Variants in TFDP2 observed in about 807,000 individuals in gnomAD.
TFDP2 encodes transcription factor Dp-2.
In TFDP2, 17 loss-of-function variants were observed where a neutral mutation model predicts 59.3. The ratio of observed to expected loss-of-function variants is 0.29; its 90% CI spans 0.20 to 0.43. The LOEUF is 0.43. TFDP2 is among the 20% of genes least tolerant of loss of function. The pLI, the probability that TFDP2 is intolerant of heterozygous loss-of-function variation, is 1.00. For missense variants in TFDP2, 391 were observed against 528.8 expected, an observed-to-expected ratio of 0.74 and a Z score of 2.56; for synonymous variants, 180 against 194.7, an observed-to-expected ratio of 0.92 and a Z score of 0.63.
chr3:142,123,931 C>T (rs1230895582), intron 1 of TFDP2, among the ~76,000 whole-genome samples: 1 of 151,800 alleles, frequency 6.6e-6, no homozygotes, highest in Non-Finnish European at 1.5e-5. Flanking sequence ...TGGAGATGAC[C>T]GATAACAAAA....
At chr3:141,995,665 C>A (rs1943198696) in intron 4 of TFDP2, among the ~76,000 whole-genome samples, 1 of 151,960 alleles carries the variant, frequency 6.6e-6, no homozygotes, top group African/African-American at 2.4e-5. Flanking sequence ...GGGAGGATCA[C>A]CTGAGGTCAC....
intron 9 of TFDP2, among the ~76,000 whole-genome samples, chr3:141,967,972 A>G (rs1403932507): frequency 6.6e-6 from 1 of 151,882 alleles, no homozygotes; most frequent in Non-Finnish European, 1.5e-5. Context: ...TGCCAAAAAA[A>G]TTAAGCTCCA....
intron 9 of TFDP2, among the ~76,000 whole-genome samples, chr3:141,967,274 C>T (rs867014787): frequency 3.1e-4 from 46 of 150,068 alleles, no homozygotes; most frequent in African/African-American, 4.1e-4. Context: ...AACTGAAATG[C>T]TAGGAGGAAA....
chr3:142,143,478 G>C (rs1194844280), intron 1 of TFDP2, among the ~76,000 whole-genome samples: 1 of 152,068 alleles, frequency 6.6e-6, no homozygotes, highest in African/African-American at 2.4e-5. Flanking sequence ...CAAAGAATGG[G>C]AGAAAACATT....
chr3:142,010,298 T>C (rs369640399), intron 3 of TFDP2, among the ~76,000 whole-genome samples: 35 of 152,292 alleles, frequency 2.3e-4, no homozygotes, highest in African/African-American at 8.4e-4. Context: ...GAAAAGACGC[T>C]TGATTTTAAT....
intron 3 of TFDP2, among the ~76,000 whole-genome samples, chr3:142,052,730 A>G (rs1947699084): frequency 6.6e-6 from 1 of 151,952 alleles, no homozygotes; most frequent in Non-Finnish European, 1.5e-5. Flanking sequence ...CTCCCTCCCA[A>G]GGGTAGTCCA....
Position 141,977,130 on chromosome 3 carries a change from C to CTTTTTTTTTTT in TFDP2, c.519+1389_519+1390insAAAAAAAAAAA, listed in dbSNP as rs1559959815. Among the ~76,000 whole-genome samples, 10 of 113,300 alleles carry CTTTTTTTTTTT rather than the reference C, an allele frequency of 8.8e-5. 1 individual carries two copies. Among genetic ancestry groups the CTTTTTTTTTTT allele is most frequent in the East Asian group, 4.7e-4 (2 of 4,254 alleles). The allele number at this position is 113,300 out of a possible 152,430, so 74.3% of individuals were successfully genotyped here. ...TATTTTTTTTTTTTTTTTTTTTTTC[C>CTTTTTTTTTTT]CCCCAAAGAGACGAAGTCTTGCTTT... On this transcript the variant is annotated intron_variant, in intron 7 of 12. Coordinates refer to ENST00000489671, the MANE Select transcript of TFDP2 (RefSeq NM_001178139.2).
At chr3:141,966,183 A>AT (rs946498376) in intron 9 of TFDP2, among the ~76,000 whole-genome samples, 1 of 151,648 alleles carries the variant, frequency 6.6e-6, no homozygotes, top group Non-Finnish European at 1.5e-5. Flanking sequence ...ATTTATTATT[A>AT]TTTTTTTGAG....
intron 11 of TFDP2, among the ~76,000 whole-genome samples, chr3:141,955,683 C>A (rs1379071217): frequency 6.6e-6 from 1 of 152,176 alleles, no homozygotes; most frequent in Non-Finnish European, 1.5e-5. Context: ...TTTTTGCTTA[C>A]ATTGGATTTA....
intron 2 of TFDP2, among the ~76,000 whole-genome samples, chr3:142,100,534 G>A (rs1212100526): frequency 1.3e-5 from 2 of 152,150 alleles, no homozygotes; most frequent in African/African-American, 4.8e-5. Flanking sequence ...CACCGCGCCT[G>A]GCTACTTTTT....
intron 5 of TFDP2, 92 bp from the exon 6 acceptor site, chr3:141,993,677 C>T: frequency 3.0e-6 from 2 of 666,292 alleles, no homozygotes; most frequent in Non-Finnish European, 4.9e-6. Context: ...TAAAATTATA[C>T]ACTGAATATA....
chr3:142,061,035 A>C (rs1310089916), intron 3 of TFDP2, among the ~76,000 whole-genome samples: 2 of 152,224 alleles, frequency 1.3e-5, no homozygotes, highest in East Asian at 3.8e-4. Context: ...TTCAACTCAA[A>C]CTAAATCTCA....
At chr3:141,976,672 A>G (rs1269505799) in intron 7 of TFDP2, among the ~76,000 whole-genome samples, 2 of 152,162 alleles carry the variant, frequency 1.3e-5, no homozygotes, top group African/African-American at 2.4e-5. Flanking sequence ...TAAATGAGAC[A>G]GTGCATAGCA....
intron 11 of TFDP2, among the ~76,000 whole-genome samples, chr3:141,958,074 G>A (rs943345847): frequency 3.3e-5 from 5 of 152,050 alleles, no homozygotes; most frequent in African/African-American, 1.2e-4. Context: ...GTGTAATTTG[G>A]TAAAATCAAA....
At chr3:142,005,158 C>T (rs889048005) in intron 4 of TFDP2, among the ~76,000 whole-genome samples, 4 of 152,218 alleles carry the variant, frequency 2.6e-5, no homozygotes, top group Admixed American at 6.5e-5. Flanking sequence ...AGCAATCCTC[C>T]CGCCTCAGTC....
intron 3 of TFDP2, among the ~76,000 whole-genome samples, chr3:142,090,296 A>C (rs140924131): frequency 0.023 from 3,491 of 152,282 alleles, 50 homozygotes; most frequent in Non-Finnish European, 0.034. Flanking sequence ...ACACATGCAT[A>C]TAGCTATTTC....
At chr3:142,083,639 C>T (rs752386307) in intron 3 of TFDP2, among the ~76,000 whole-genome samples, 1 of 152,134 alleles carries the variant, frequency 6.6e-6, no homozygotes, top group Admixed American at 6.5e-5. Flanking sequence ...TGGCATGATA[C>T]TGGCAAAAAA....
chr3:141,990,360 T>C (rs1040690262), intron 6 of TFDP2, among the ~76,000 whole-genome samples: 1 of 151,886 alleles, frequency 6.6e-6, no homozygotes, highest in Non-Finnish European at 1.5e-5. Flanking sequence ...CTGCAGCCTC[T>C]GCCTCCCGGG....
At chr3:142,106,647 A>G in intron 1 of TFDP2, among the ~76,000 whole-genome samples, 1 of 152,212 alleles carries the variant, frequency 6.6e-6, no homozygotes, top group East Asian at 1.9e-4. Flanking sequence ...ACAATTGCAC[A>G]CTTCTTCCTG....
Sources: gnomAD v4.1 joint callset for allele counts (sites outside exome capture counted in the v4.1 genomes callset) on GRCh38, gnomAD v4.1.1 for gene constraint, MANE v1.5 for transcripts, NCBI Gene and HGNC (gene_info 2026-07-23, HGNC 2026-07-21) for gene names.